HIPK3: variants seen among roughly 807,000 people sequenced by gnomAD.
HIPK3 encodes homeodomain interacting protein kinase 3.
A neutral mutation model predicts 124.2 loss-of-function variants in HIPK3; 47 were observed. The ratio of observed to expected loss-of-function variants is 0.38; its 90% CI spans 0.30 to 0.48. The LOEUF (loss-of-function observed/expected upper bound fraction) is 0.48, where lower values mean the gene tolerates loss of function less well. HIPK3 is among the 20% of genes least tolerant of loss of function. The pLI, the probability that HIPK3 is intolerant of heterozygous loss-of-function variation, is 0.98. For missense variants in HIPK3, 1,286 were observed against 1,454.3 expected (o/e 0.88, Z 1.88); for synonymous variants, 482 against 515.2 (o/e 0.94, Z 0.87).
At chr11:33,266,935 A>T (rs1372233286) in intron 1 of HIPK3, among the ~76,000 whole-genome samples, 1 of 152,090 alleles carries the variant, frequency 6.6e-6, no homozygotes, top group Non-Finnish European at 1.5e-5. Flanking sequence ...CTAGTAATAC[A>T]GTTCTCTTGT....
chr11:33,291,869 T>G (rs762510724), intron 2 of HIPK3, among the ~76,000 whole-genome samples: 77 of 152,328 alleles, frequency 5.1e-4, no homozygotes, highest in Non-Finnish European at 9.0e-4. Context: ...TAATTTAGCA[T>G]TAATTGCTGT....
At chr11:33,295,933 A>G (rs530231296) in intron 2 of HIPK3, among the ~76,000 whole-genome samples, 6 of 152,336 alleles carry the variant, frequency 3.9e-5, no homozygotes, top group African/African-American at 1.4e-4. Flanking sequence ...GAGACTATTC[A>G]CACGTACTAT....
At chr11:33,343,527 G>C (rs891225466) in intron 8 of HIPK3, among the ~76,000 whole-genome samples, 2 of 152,108 alleles carry the variant, frequency 1.3e-5, no homozygotes, top group African/African-American at 2.4e-5. Context: ...TGATCTGCCT[G>C]CCTCAGCCTC....
intron 1 of HIPK3, among the ~76,000 whole-genome samples, chr11:33,259,585 T>C (rs1322916051): frequency 6.6e-6 from 1 of 152,240 alleles, no homozygotes; most frequent in African/African-American, 2.4e-5. Flanking sequence ...GAAATATTTC[T>C]TGGTGTATTT....
In HIPK3 at chr11:33,353,338, C is replaced by T; in HGVS notation, c.3418C>T (p.Pro1140Ser). ...ACCAGTGGCCCACCTGTTAGCCTCTCCGTGTACCTCAAGACCTATGTTACA... is the reference window on the plus strand; with the variant it reads ...ACCAGTGGCCCACCTGTTAGCCTCTTCGTGTACCTCAAGACCTATGTTACA... ...AAPVAHLLASPCTSRPMLQHP... is the reference protein window; with the variant it reads ...AAPVAHLLASSCTSRPMLQHP... The change falls in exon 17 of 17, where the codon CCG becomes TCG. Residue 1140 changes from proline (P) to serine (S), a missense_variant. Physicochemically the swap from Pro to Ser is moderately conservative, Grantham distance 74 (BLOSUM62 -1). Coordinates refer to ENST00000303296, the MANE Select transcript of HIPK3 (RefSeq NM_005734.5). 1 of 1,614,160 alleles carries T rather than the reference C, an allele frequency of 6.2e-7. No homozygotes were observed. Among genetic ancestry groups the T allele is most frequent in the Non-Finnish European group, 8.5e-7 (1 of 1,179,998 alleles).
At chr11:33,324,025 A>T (rs1852739734) in intron 2 of HIPK3, among the ~76,000 whole-genome samples, 1 of 152,228 alleles carries the variant, frequency 6.6e-6, no homozygotes, top group South Asian at 2.1e-4. Flanking sequence ...AGAGGATAAG[A>T]GTTAAAGTAG....
rs146182417 is a variant in HIPK3 at position 33,353,539 on chromosome 11, A to T, written c.3619A>T (p.Thr1207Ser). 77 of 1,611,010 alleles carry T rather than the reference A, an allele frequency of 4.8e-5. No individual in the cohort carries two copies. Among genetic ancestry groups the T allele is most frequent in the Non-Finnish European group, 6.4e-5 (75 of 1,177,274 alleles). Residue 1207 changes from threonine (T) to serine (S), a missense_variant, in exon 17 of 17, where the codon ACA (threonine) becomes TCA (serine). Thr to Ser is a moderately conservative substitution (Grantham distance 58, BLOSUM62 1). Around this residue, in one of 3 missense-constraint regions of HIPK3, gnomAD observed 810 missense variants for 864.9 expected, o/e 0.94. Transcript: ENST00000303296. ...PAYTGFPLSP[T>S]KLSQYPYM ...ATATACTGGATTTCCACTGAGTCCAACAAAACTCAGCCAGTATCCATATAT... is the reference window on the plus strand; with the variant it reads ...ATATACTGGATTTCCACTGAGTCCATCAAAACTCAGCCAGTATCCATATAT...
intron 14 of HIPK3, among the ~76,000 whole-genome samples, chr11:33,350,310 G>A (rs375925644): frequency 5.9e-5 from 9 of 152,006 alleles, no homozygotes; most frequent in East Asian, 5.8e-4. Context: ...TTTGGCCAGC[G>A]ACATGTACCA....
intron 2 of HIPK3, among the ~76,000 whole-genome samples, chr11:33,297,757 T>G (rs1851880976): frequency 6.6e-6 from 1 of 151,250 alleles, no homozygotes; most frequent in Non-Finnish European, 1.5e-5. Context: ...AATGCCTGGC[T>G]TCAGAACTTC....
chr11:33,300,748 TG>T, intron 2 of HIPK3, among the ~76,000 whole-genome samples: 1 of 152,174 alleles, frequency 6.6e-6, no homozygotes, highest in Non-Finnish European at 1.5e-5. Flanking sequence ...TTTTTTGTTT[TG>T]TTTTTTTGAG....
chr11:33,311,665 T>C (rs1852340621), intron 2 of HIPK3, among the ~76,000 whole-genome samples: 1 of 152,164 alleles, frequency 6.6e-6, no homozygotes. Context: ...GATGCATTGC[T>C]ATCACGCAAA....
chr11:33,261,621 G>T (rs2133860745), intron 1 of HIPK3, among the ~76,000 whole-genome samples: 1 of 152,238 alleles, frequency 6.6e-6, no homozygotes, highest in Non-Finnish European at 1.5e-5. Flanking sequence ...TCTTCCCATT[G>T]ATGAACATTT....
chr11:33,258,437 G>C (rs944154784), intron 1 of HIPK3: 1 of 985,414 alleles, frequency 1.0e-6, no homozygotes, highest in Admixed American at 6.1e-5. Flanking sequence ...GGAGCAGCGG[G>C]TTTGCAGGGT....
At chr11:33,343,184 A>C (rs1236175456) in intron 8 of HIPK3, among the ~76,000 whole-genome samples, 1 of 151,742 alleles carries the variant, frequency 6.6e-6, no homozygotes, top group East Asian at 1.9e-4. Context: ...AAATAGCCTG[A>C]ATAGATAATA....
chr11:33,280,037 G>C (rs981567355), intron 1 of HIPK3, among the ~76,000 whole-genome samples: 5 of 152,110 alleles, frequency 3.3e-5, no homozygotes, highest in African/African-American at 1.2e-4. Context: ...GGGAGGTGGG[G>C]GGGACACAAA....
At position 33,353,260 on chromosome 11, in the gene HIPK3, G is replaced by A. The variant is rs1853721822; in HGVS notation, c.3340G>A (p.Gly1114Arg). The A allele has an allele frequency of 6.2e-7, 1 of 1,614,080 alleles. No individual in the cohort carries two copies. The highest frequency in any genetic ancestry group is 2.2e-5 in the East Asian group (1 of 44,878). The change falls in exon 17 of 17, where the codon GGA (glycine) becomes AGA (arginine). Residue 1114 changes from glycine (G) to arginine (R), a missense_variant. Gly to Arg is a moderately radical substitution (Grantham distance 125). Around this residue, in one of 3 missense-constraint regions of HIPK3, gnomAD observed 810 missense variants for 864.9 expected, o/e 0.94. Transcript: ENST00000303296. ...CCTGGCTGGAAATACACACCTCGGA[G>A]GACAGCCTACTCTACTTCCATACCC... The part of the protein sequence containing the change: ...AHLAGNTHLG[G>R]QPTLLPYPSS...
intron 15 of HIPK3, 73 bp downstream of exon 15, chr11:33,351,916 G>T (rs1044052758): frequency 3.7e-5 from 47 of 1,263,346 alleles, no homozygotes; most frequent in Non-Finnish European, 5.1e-5. Context: ...TGAGAATGCA[G>T]TTGCCAAAGT....
chr11:33,289,385 C>T (rs1459271849), intron 2 of HIPK3, among the ~76,000 whole-genome samples: 2 of 151,978 alleles, frequency 1.3e-5, no homozygotes, highest in African/African-American at 4.8e-5. Flanking sequence ...TTAGAGGCTA[C>T]AGTGAGCTAT....
At chr11:33,280,499 C>T (rs1010253528) in intron 1 of HIPK3, among the ~76,000 whole-genome samples, 2 of 152,108 alleles carry the variant, frequency 1.3e-5, no homozygotes, top group Admixed American at 1.3e-4. Context: ...GTCTTTTATA[C>T]CTGTCTCCAG....
Sources: allele counts gnomAD v4.1 joint callset (sites outside exome capture counted in the v4.1 genomes callset), GRCh38; gene constraint gnomAD v4.1.1; regional missense constraint gnomAD v4.1.1; transcripts MANE v1.5; gene names NCBI Gene and HGNC (gene_info 2026-07-23, HGNC 2026-07-21).